DPY19L3: variants seen among roughly 807,000 people sequenced by gnomAD.
DPY19L3 encodes the protein dpy-19 like C-mannosyltransferase 3.
DPY19L3 carries 51 observed loss-of-function variants against 92.3 expected under a neutral mutation model. That is an observed-to-expected ratio of 0.55 (90% CI 0.44 to 0.70). The LOEUF (loss-of-function observed/expected upper bound fraction) is 0.70, where lower values mean the gene tolerates loss of function less well. Among genes scored for constraint, DPY19L3 ranks in the 30% least tolerant of loss-of-function variants. The probability of loss-of-function intolerance (pLI) is 0.00; values close to 1 mark genes in which losing one functional copy is unlikely to be tolerated. For missense variants in DPY19L3, 706 were observed against 855.9 expected (o/e 0.82, Z 2.18); for synonymous variants, 309 against 315.2 (o/e 0.98, Z 0.21).
chr19:32,465,454 C>T (rs1970171830), intron 15 of DPY19L3, among the ~76,000 whole-genome samples: 1 of 152,160 alleles, frequency 6.6e-6, no homozygotes, highest in Admixed American at 6.5e-5. Context: ...CTGTTTTATC[C>T]AATTGAGCTT....
intron 3 of DPY19L3, among the ~76,000 whole-genome samples, chr19:32,430,879 C>G (rs1968942282): frequency 6.6e-6 from 1 of 151,032 alleles, no homozygotes; most frequent in Non-Finnish European, 1.5e-5. Context: ...CCACCCACTT[C>G]AGCCTCCCAA....
intron 1 of DPY19L3, among the ~76,000 whole-genome samples, chr19:32,407,929 A>T (rs1968033303): frequency 6.6e-6 from 1 of 152,082 alleles, no homozygotes; most frequent in African/African-American, 2.4e-5. Context: ...CCCCATCTTT[A>T]CAAAAAATAA....
chr19:32,448,741 A>T (rs1969599837), intron 8 of DPY19L3, among the ~76,000 whole-genome samples: 1 of 152,138 alleles, frequency 6.6e-6, no homozygotes, highest in South Asian at 2.1e-4. Context: ...GCAGAAGAAA[A>T]TCTATGTATA....
chr19:32,422,600 AAAG>A (rs1327569332), intron 3 of DPY19L3, among the ~76,000 whole-genome samples: 39 of 149,924 alleles, frequency 2.6e-4, no homozygotes, highest in Admixed American at 2.1e-3. Flanking sequence ...TGTCCCAAAA[AAAG>A]AGAACGAGAA....
At chr19:32,407,548 T>C (rs1968015571) in intron 1 of DPY19L3, among the ~76,000 whole-genome samples, 1 of 152,132 alleles carries the variant, frequency 6.6e-6, no homozygotes, top group Admixed American at 6.5e-5. Context: ...AATATACAAC[T>C]GTGTAGTTAC....
chr19:32,473,547 TAGAA>T (rs1198175942), intron 16 of DPY19L3, among the ~76,000 whole-genome samples: 28 of 152,230 alleles, frequency 1.8e-4, no homozygotes, highest in African/African-American at 5.1e-4. Context: ...TACCACAAAA[TAGAA>T]AGGACAGTGA....
intron 15 of DPY19L3, among the ~76,000 whole-genome samples, chr19:32,466,325 A>G (rs1051911757): frequency 4.6e-5 from 7 of 152,236 alleles, no homozygotes; most frequent in Admixed American, 2.0e-4. Flanking sequence ...CTACCGAATC[A>G]GAAGCCTGGG....
At chr19:32,426,701 T>TA (rs1173325976) in intron 3 of DPY19L3, among the ~76,000 whole-genome samples, 1 of 152,194 alleles carries the variant, frequency 6.6e-6, no homozygotes, top group East Asian at 1.9e-4. Context: ...CCAAAACAGT[T>TA]ACAGTAGTAT....
chr19:32,453,847 T>A (rs905537674), intron 9 of DPY19L3, among the ~76,000 whole-genome samples: 1 of 152,196 alleles, frequency 6.6e-6, no homozygotes, highest in African/African-American at 2.4e-5. Flanking sequence ...AACAATGACT[T>A]GCTCTTTTAG....
At chr19:32,415,828 GAAAGAA>G (rs1334563941) in intron 3 of DPY19L3, among the ~76,000 whole-genome samples, 3 of 152,124 alleles carry the variant, frequency 2.0e-5, no homozygotes, top group African/African-American at 7.2e-5. Context: ...GGAAAAATCA[GAAAGAA>G]AATGAAAATG....
chr19:32,453,075 G>T (rs1969755866), intron 8 of DPY19L3, 70 bp from the exon 9 acceptor site: 3 of 1,568,466 alleles, frequency 1.9e-6, no homozygotes, highest in African/African-American at 2.7e-5. Context: ...TCCACCTCAT[G>T]ACCAACATGT....
intron 2 of DPY19L3, among the ~76,000 whole-genome samples, chr19:32,408,989 AT>A (rs1192706520): frequency 1.3e-5 from 2 of 152,198 alleles, no homozygotes; most frequent in African/African-American, 4.8e-5. Context: ...CCCATTAACC[AT>A]TTTGGATATC....
In DPY19L3 at chr19:32,411,302, G is replaced by C. The variant is rs1254011292; in HGVS notation, c.167G>C (p.Cys56Ser). The change falls in exon 3 of 19, where the codon TGC (cysteine) becomes TCC (serine). Residue 56 changes from cysteine to serine, a missense_variant. Cys to Ser is a moderately radical substitution (Grantham distance 112, BLOSUM62 -1). Transcript: ENST00000392250. ...SLTIGGTIAL[C>S]IGLLTSVYLA... is the part of the protein sequence containing the mutation. ...ACAATTGGTGGAACCATTGCCCTTT[G>C]CATTGGACTTCTTACATCTGTCTAC... The C allele has an allele frequency of 1.9e-6, 3 of 1,613,684 alleles. No individual in the cohort carries two copies. Among genetic ancestry groups the C allele is most frequent in the African/African-American group, 1.3e-5 (1 of 74,918 alleles).
chr19:32,425,946 T>C (rs1968746629), intron 3 of DPY19L3, among the ~76,000 whole-genome samples: 2 of 152,238 alleles, frequency 1.3e-5, no homozygotes, highest in East Asian at 3.8e-4. Context: ...AAGTCAGGCA[T>C]TGACTTCTCC....
chr19:32,421,519 A>C (rs1302779074), intron 3 of DPY19L3, among the ~76,000 whole-genome samples: 1 of 152,010 alleles, frequency 6.6e-6, no homozygotes, highest in Non-Finnish European at 1.5e-5. Flanking sequence ...CTACTCCTGT[A>C]ATCCCAGCTG....
chr19:32,411,519 G>T, intron 3 of DPY19L3, 147 bp downstream of exon 3: 6 of 619,244 alleles, frequency 9.7e-6, no homozygotes, highest in Non-Finnish European at 1.5e-5. Context: ...TAACTTTTGT[G>T]TTTATTATTT....
intron 3 of DPY19L3, among the ~76,000 whole-genome samples, chr19:32,419,456 C>T (rs927711091): frequency 2.0e-5 from 3 of 151,156 alleles, no homozygotes; most frequent in African/African-American, 4.9e-5. Context: ...CCACCGTGCC[C>T]GGCCTATTTG....
intron 16 of DPY19L3, among the ~76,000 whole-genome samples, chr19:32,469,639 G>A (rs559420911): frequency 6.6e-6 from 1 of 152,134 alleles, no homozygotes; most frequent in Admixed American, 6.5e-5. Flanking sequence ...CCTAGGACCA[G>A]AGAAAATTTT....
chr19:32,469,988 C>T (rs1731746707), intron 16 of DPY19L3, among the ~76,000 whole-genome samples: 1 of 152,200 alleles, frequency 6.6e-6, no homozygotes, highest in African/African-American at 2.4e-5. Flanking sequence ...AATGCTTACT[C>T]ACCAGTACAG....
Sources: gnomAD v4.1 joint callset for allele counts (sites outside exome capture counted in the v4.1 genomes callset) on GRCh38, gnomAD v4.1.1 for gene constraint, MANE v1.5 for transcripts, NCBI Gene and HGNC (gene_info 2026-07-23, HGNC 2026-07-21) for gene names.